CAPN13: variants seen among roughly 807,000 people sequenced by gnomAD.
CAPN13 encodes calpain 13.
Under a neutral mutation model 98.4 loss-of-function variants are expected in CAPN13, and 90 were observed. The observed-to-expected ratio is 0.92, with a 90% CI of 0.77 to 1.09. The LOEUF (loss-of-function observed/expected upper bound fraction) is 1.09, where lower values mean the gene tolerates loss of function less well. Among genes scored for constraint, CAPN13 ranks in the 50% least tolerant of loss-of-function variants. The probability of loss-of-function intolerance (pLI) is 0.00; values close to 1 mark genes in which losing one functional copy is unlikely to be tolerated. For synonymous variants in CAPN13, 330 were observed against 305.5 expected, an observed-to-expected ratio of 1.08 and a Z score of -0.84; for missense variants, 887 against 841.3, an observed-to-expected ratio of 1.05 and a Z score of -0.67.
chr2:30,770,945 G>C (rs773260326), intron 4 of CAPN13, among the ~76,000 whole-genome samples: 1 of 152,194 alleles, frequency 6.6e-6, no homozygotes. Context: ...TCCCAGACAG[G>C]AGGCACACTG....
intron 1 of CAPN13, among the ~76,000 whole-genome samples, chr2:30,802,722 G>T (rs1225058168): frequency 1.3e-5 from 2 of 152,158 alleles, no homozygotes; most frequent in African/African-American, 2.4e-5. Flanking sequence ...GCTCTTGCAG[G>T]GTCCACTGGG....
chr2:30,763,198 G>A, intron 6 of CAPN13, 42 bp from the exon 7 acceptor site: 2 of 1,550,912 alleles, frequency 1.3e-6, no homozygotes, highest in Non-Finnish European at 1.8e-6. Context: ...ACATCTACAG[G>A]TTCTTCAAAG....
chr2:30,751,020 C>G, intron 11 of CAPN13, 83 bp downstream of exon 11: 1 of 1,474,308 alleles, frequency 6.8e-7, no homozygotes, highest in Non-Finnish European at 9.2e-7. Flanking sequence ...GTCAAATCTC[C>G]CAGCCTGGCC....
intron 22 of CAPN13, among the ~76,000 whole-genome samples, chr2:30,724,852 A>AATGAG (rs150459676): frequency 0.095 from 14,435 of 152,120 alleles, 913 homozygotes; most frequent in African/African-American, 0.18. Flanking sequence ...TGATGAACAG[A>AATGAG]ATGAGATTGG....
intron 11 of CAPN13, among the ~76,000 whole-genome samples, chr2:30,749,280 G>C (rs1469704483): frequency 6.6e-6 from 1 of 152,162 alleles, no homozygotes; most frequent in Non-Finnish European, 1.5e-5. Flanking sequence ...TTGAATTTTT[G>C]GACTAGAGAT....
intron 19 of CAPN13, among the ~76,000 whole-genome samples, chr2:30,733,109 G>T (rs994221410): frequency 6.6e-6 from 1 of 152,148 alleles, no homozygotes; most frequent in Non-Finnish European, 1.5e-5. Flanking sequence ...TGTGCTTCTA[G>T]TTATAAGCTC....
At chr2:30,805,430 T>G (rs186543143) in intron 1 of CAPN13, among the ~76,000 whole-genome samples, 2 of 152,282 alleles carry the variant, frequency 1.3e-5, no homozygotes, top group African/African-American at 4.8e-5. Context: ...TTACCTTAAG[T>G]GCTAAGTAGC....
intron 5 of CAPN13, among the ~76,000 whole-genome samples, chr2:30,767,409 G>T (rs572772388): frequency 1.3e-5 from 2 of 152,268 alleles, no homozygotes; most frequent in East Asian, 3.9e-4. Flanking sequence ...TTCTTTTCAA[G>T]CTGAATGATT....
chr2:30,744,594 T>A (rs1671816143), intron 12 of CAPN13, among the ~76,000 whole-genome samples: 1 of 152,090 alleles, frequency 6.6e-6, no homozygotes, highest in Non-Finnish European at 1.5e-5. Flanking sequence ...CTCCTATAAT[T>A]AGAAGGCAAC....
At chr2:30,734,052 ACT>A (rs1345316133) in intron 19 of CAPN13, among the ~76,000 whole-genome samples, 2 of 151,832 alleles carry the variant, frequency 1.3e-5, no homozygotes, top group African/African-American at 4.8e-5. Flanking sequence ...TTAGCCCCAA[ACT>A]CTCTGTGAAG....
intron 1 of CAPN13, among the ~76,000 whole-genome samples, chr2:30,805,717 C>A (rs75403759): frequency 0.033 from 4,916 of 148,172 alleles, 290 homozygotes; most frequent in African/African-American, 0.12. Flanking sequence ...ATGCTTGATA[C>A]GGAGTGAGCC....
At chr2:30,765,890 C>T (rs1297182955) in intron 5 of CAPN13, among the ~76,000 whole-genome samples, 1 of 152,220 alleles carries the variant, frequency 6.6e-6, no homozygotes, top group Non-Finnish European at 1.5e-5. Context: ...GGTTCTAAAC[C>T]TTATCCTCCT....
chr2:30,758,133 T>C lies in CAPN13; in HGVS notation c.779A>G (p.Gln260Arg), dbSNP rs903572556. 1 of 1,597,926 alleles carries C rather than the reference T, an allele frequency of 6.3e-7. No homozygotes were observed. The highest frequency in any genetic ancestry group is 1.3e-5 in the African/African-American group (1 of 74,494). ...AYTVTGAEQIQYRRGWEEIIS... is the reference protein window; with the variant it reads ...AYTVTGAEQIRYRRGWEEIIS... The stretch of plus-strand genomic sequence containing the variant: ...AATTTCTTCCCAGCCCCTTCGGTAT[T>C]GAATCTGTAAAGAAAACAGAAAAGG... Residue 260 changes from glutamine (Q) to arginine (R), a missense_variant, in exon 8 of 23, where the codon CAA becomes CGA. Transcript: ENST00000295055.
Position 30,770,452 on chromosome 2 carries a change from G to A in CAPN13, c.388-3C>T, listed in dbSNP as rs748661356. 16 of 1,613,720 alleles carry A rather than the reference G, an allele frequency of 9.9e-6. No homozygotes were observed. Among genetic ancestry groups the A allele is most frequent in the Non-Finnish European group, 1.4e-5 (16 of 1,179,684 alleles). On this transcript the variant is annotated splice_region_variant and splice_polypyrimidine_tract_variant and intron_variant, in intron 4 of 22. Transcript: ENST00000295055. ...ACCCACTGGCCACATTGCCAGAACT[G>A]GAAGAGAGCCAAGCATATGCTTTGA...
At chr2:30,800,141 A>AG (rs1572891454) in intron 1 of CAPN13, among the ~76,000 whole-genome samples, 6 of 146,408 alleles carry the variant, frequency 4.1e-5, no homozygotes, top group South Asian at 4.3e-4. Flanking sequence ...AGAAAGAAAG[A>AG]AAGAAAGAAA....
intron 9 of CAPN13, 31 bp downstream of exon 9, chr2:30,754,259 T>C (rs1161105965): frequency 1.3e-6 from 2 of 1,547,956 alleles, no homozygotes; most frequent in Non-Finnish European, 1.7e-6. Flanking sequence ...ATAAAAGATT[T>C]AAAACACCAT....
chr2:30,735,171 C>A (rs1294050609), intron 18 of CAPN13, among the ~76,000 whole-genome samples: 3 of 152,178 alleles, frequency 2.0e-5, no homozygotes, highest in Admixed American at 6.5e-5. Context: ...CCCACCCAGG[C>A]CTTTTCTACC....
At chr2:30,793,003 G>A (rs1443089168) in intron 1 of CAPN13, among the ~76,000 whole-genome samples, 1 of 151,812 alleles carries the variant, frequency 6.6e-6, no homozygotes, top group Non-Finnish European at 1.5e-5. Flanking sequence ...GAAATAGTAG[G>A]TAACATCCTC....
At chr2:30,762,302 C>G (rs1424265262) in intron 7 of CAPN13, among the ~76,000 whole-genome samples, 1 of 152,208 alleles carries the variant, frequency 6.6e-6, no homozygotes, top group Non-Finnish European at 1.5e-5. Flanking sequence ...CAGCCAAAGT[C>G]AGTTCTTCCA....
Sources: allele counts gnomAD v4.1 joint callset (sites outside exome capture counted in the v4.1 genomes callset), GRCh38; gene constraint gnomAD v4.1.1; transcripts MANE v1.5; gene names NCBI Gene and HGNC (gene_info 2026-07-23, HGNC 2026-07-21).